SYCE1: variants seen among roughly 807,000 people sequenced by gnomAD.
SYCE1 encodes cancer/testis antigen 76.
SYCE1 carries 37 observed loss-of-function variants against 55.1 expected under a neutral mutation model. That is an observed-to-expected ratio of 0.67 (90% CI 0.52 to 0.88). The LOEUF (loss-of-function observed/expected upper bound fraction) is 0.88, where lower values mean the gene tolerates loss of function less well. Ranked by LOEUF, SYCE1 falls within the 40% of genes least tolerant of loss-of-function variation. The probability of loss-of-function intolerance (pLI) is 0.00; values close to 1 mark genes in which losing one functional copy is unlikely to be tolerated. For missense variants in SYCE1, 399 were observed against 416.4 expected, an observed-to-expected ratio of 0.96 and a Z score of 0.36; for synonymous variants, 163 against 159.4, an observed-to-expected ratio of 1.02 and a Z score of -0.17.
rs530699036 is a variant in SYCE1 at position 133,559,213 on chromosome 10, G to A, written c.196+88C>T. On this transcript the variant is annotated intron_variant, in intron 3 of 12. Transcript: ENST00000343131. ...CTGTTGTGAATAACCAGTAACTTTGGAACAAGGGACCCTGCATTCTCACTT... is the reference window on the plus strand; with the variant it reads ...CTGTTGTGAATAACCAGTAACTTTGAAACAAGGGACCCTGCATTCTCACTT... The A allele has an allele frequency of 3.9e-4, 554 of 1,436,042 alleles. 7 individuals carry two copies. In the South Asian group the frequency reaches 6.0e-3, roughly 16 times the overall value. The allele number at this position is 1,436,042 out of a possible 1,614,324, so 89.0% of individuals were successfully genotyped here. A position where few individuals can be genotyped will look rare whatever the true frequency, so the allele number is the denominator to read the frequency against.
At chr10:133,557,509 A>T (rs1851714968) in intron 6 of SYCE1, 2 of 482,544 alleles carry the variant, frequency 4.1e-6, no homozygotes, top group African/African-American at 3.8e-5. Flanking sequence ...GGGTGGATGA[A>T]AAGATAATGG....
chr10:133,562,762 G>C (rs186367958), intron 1 of SYCE1, among the ~76,000 whole-genome samples: 2 of 152,250 alleles, frequency 1.3e-5, no homozygotes, highest in Admixed American at 1.3e-4. Context: ...ATGTGGTCGA[G>C]CCTCATAATA....
At chr10:133,560,447 A>G (rs1851793083) in intron 1 of SYCE1, 1 of 218,192 alleles carries the variant, frequency 4.6e-6, no homozygotes, top group Non-Finnish European at 8.9e-6. Context: ...AAGAAAAAAA[A>G]TGAGGGTATA....
At position 133,555,040 on chromosome 10, in the gene SYCE1, G is replaced by C. The variant is rs756874650; in HGVS notation, c.1008C>G (p.His336Gln). Residue 336 changes from histidine to glutamine, a missense_variant, in exon 13 of 13, where the codon CAC becomes CAG. By Grantham distance (24) the His-to-Gln change is conservative. Coordinates refer to ENST00000343131, the MANE Select transcript of SYCE1 (RefSeq NM_001143764.3). The part of the protein sequence containing the change: ...DVLIGQEDTL[H>Q]PDLSPRGFQE... ...GAAAGCCCCTTGGGCTAAGGTCGGG[G>C]TGGAGTGTGTCCTCCTGGCCTATGA... is the stretch of plus-strand genomic sequence containing the variant. The C allele has an allele frequency of 6.4e-7, 1 of 1,551,506 alleles. No individual in the cohort carries two copies. The highest frequency in any genetic ancestry group is 1.2e-5 in the South Asian group (1 of 84,036).
intron 6 of SYCE1, chr10:133,557,435 G>A (rs1363943236): frequency 5.9e-6 from 3 of 512,714 alleles, no homozygotes; most frequent in Non-Finnish European, 1.0e-5. Context: ...GTGTGCCAGG[G>A]CCTGGGGCCT....
At chr10:133,556,193 C>T (rs1851678843) in intron 8 of SYCE1, 146 bp from the exon 9 acceptor site, 2 of 877,246 alleles carry the variant, frequency 2.3e-6, no homozygotes, top group Non-Finnish European at 3.5e-6. Flanking sequence ...ACAGTACAGC[C>T]TCAGGGCCAT....
upstream of SYCE1, among the ~76,000 whole-genome samples, chr10:133,567,165 G>T (rs542244952): frequency 1.3e-5 from 2 of 151,514 alleles, no homozygotes; most frequent in East Asian, 2.0e-4. Flanking sequence ...TCCGGTCAAG[G>T]GTTGGTGTTG....
intron 4 of SYCE1, chr10:133,558,577 T>G: frequency 1.9e-6 from 1 of 527,370 alleles, no homozygotes; most frequent in East Asian, 3.3e-5. Context: ...GATTGGGGAA[T>G]GCCAGTCATC....
At chr10:133,567,137 A>AGGGTTAG (rs1278329772), upstream of SYCE1, among the ~76,000 whole-genome samples, 3 of 145,564 alleles carry the variant, frequency 2.1e-5, no homozygotes, top group Non-Finnish European at 4.5e-5. Context: ...AGTTGAGGTT[A>AGGGTTAG]GGGTTAGGGG....
rs1589964158 is a variant in SYCE1, at chr10:133,555,362, G to A, written c.907C>T (p.Pro303Ser). The A allele has an allele frequency of 1.9e-6, 3 of 1,613,904 alleles. No individual in the cohort carries two copies. In the East Asian group the frequency reaches 6.7e-5, roughly 36 times the overall value. ...AQSTQEEEAG[P>S]GDVASPKPLK... ...CTTCTGGGGCTTACCACATCTCCTG[G>A]GCCAGCCTCTTCCTCTTGTGTGCTC... Residue 303 changes from proline to serine, a missense_variant, in exon 12 of 13, where the codon CCA becomes TCA. Transcript: ENST00000343131.
intron 1 of SYCE1, among the ~76,000 whole-genome samples, chr10:133,561,502 G>C (rs1450778604): frequency 6.6e-6 from 1 of 152,160 alleles, no homozygotes; most frequent in Non-Finnish European, 1.5e-5. Context: ...AAGTTTTCCT[G>C]CTTCCATGAA....
At chr10:133,562,283 G>A (rs751347663) in intron 1 of SYCE1, among the ~76,000 whole-genome samples, 1,234 of 123,204 alleles carry the variant, frequency 0.01, 5 homozygotes, top group Middle Eastern at 0.029. Context: ...GTGTGTGTGT[G>A]TGTGTGTGTG....
chr10:133,560,939 AAAG>A (rs1851802773), intron 1 of SYCE1: 1 of 152,220 alleles, frequency 6.6e-6, no homozygotes, highest in African/African-American at 2.4e-5. Context: ...CGGAAACTCA[AAAG>A]AATACAACCA....
intron 8 of SYCE1, 199 bp downstream of exon 8, chr10:133,556,560 T>C: frequency 1.6e-6 from 1 of 629,410 alleles, no homozygotes; most frequent in South Asian, 1.9e-5. Flanking sequence ...GACCTTGGTC[T>C]CATCAGAGAT....
At chr10:133,563,701 A>AAG (rs1422778172) in intron 1 of SYCE1, among the ~76,000 whole-genome samples, 3 of 151,866 alleles carry the variant, frequency 2.0e-5, no homozygotes, top group Non-Finnish European at 4.4e-5. Context: ...AAAAAAAAAA[A>AAG]AAATCAAGCA....
chr10:133,566,633 G>A (rs1851943659), upstream of SYCE1, among the ~76,000 whole-genome samples: 1 of 138,342 alleles, frequency 7.2e-6, no homozygotes, highest in Non-Finnish European at 1.6e-5. Context: ...AGGGTTTGGG[G>A]GCTAGGGGAT....
At chr10:133,566,511 TA>T (rs746313337), upstream of SYCE1, among the ~76,000 whole-genome samples, 3 of 133,344 alleles carry the variant, frequency 2.2e-5, no homozygotes, top group Non-Finnish European at 4.7e-5. Flanking sequence ...GGGTTAGTGT[TA>T]GGGGTAGGGG....
chr10:133,555,444 C>CAGGAAGAGGTAGGATGGGGGA lies in SYCE1; in HGVS notation c.831-27_831-7dup. On this transcript the variant is annotated splice_region_variant and splice_polypyrimidine_tract_variant and intron_variant, in intron 11 of 12. Coordinates refer to ENST00000343131, the MANE Select transcript of SYCE1 (RefSeq NM_001143764.3). Reference sequence around the variant, plus strand: ...TTTCCAGCTCTTCCTTCAGCCTGGACAGGAAGAGGTAGGATGGGGGAAGGA... The same window carrying CAGGAAGAGGTAGGATGGGGGA: ...TTTCCAGCTCTTCCTTCAGCCTGGACAGGAAGAGGTAGGATGGGGGAAGGAAGAGGTAGGATGGGGGAAGGA... 1 of 1,613,752 alleles carries CAGGAAGAGGTAGGATGGGGGA rather than the reference C, an allele frequency of 6.2e-7. No individual in the cohort carries two copies.
upstream of SYCE1, chr10:133,568,166 C>T (rs1438718610): frequency 1.1e-6 from 1 of 940,734 alleles, no homozygotes; most frequent in African/African-American, 1.6e-5. Flanking sequence ...GCCCGTGGGT[C>T]CAGCGCCCGA....
Sources: gnomAD v4.1 joint callset for allele counts (sites outside exome capture counted in the v4.1 genomes callset) on GRCh38, gnomAD v4.1.1 for gene constraint, MANE v1.5 for transcripts, NCBI Gene and HGNC (gene_info 2026-07-23, HGNC 2026-07-21) for gene names.